The following VRK3 variants were observed in gnomAD, a reference collection of about 807,000 sequenced individuals.
VRK3 encodes the protein VRK serine/threonine kinase 3, also known as serine/threonine-protein kinase VRK3.
VRK3 carries 50 observed loss-of-function variants against 60.4 expected under a neutral mutation model. The observed-to-expected ratio is 0.83, with a 90% CI of 0.66 to 1.05. The LOEUF (loss-of-function observed/expected upper bound fraction) is 1.05, where lower values mean the gene tolerates loss of function less well. Ranked by LOEUF, VRK3 falls within the 50% of genes least tolerant of loss-of-function variation. The pLI is 0.00. For synonymous variants in VRK3, 246 were observed against 227.8 expected, an observed-to-expected ratio of 1.08 and a Z score of -0.72; for missense variants, 549 against 585.3, an observed-to-expected ratio of 0.94 and a Z score of 0.64.
intron 3 of VRK3, among the ~76,000 whole-genome samples, chr19:50,011,453 T>C (rs2076992512): frequency 6.6e-6 from 1 of 152,220 alleles, no homozygotes; most frequent in Non-Finnish European, 1.5e-5. Flanking sequence ...GCTACTGGAA[T>C]GGCCTCCTAA....
At chr19:49,998,948 G>GGA (rs2076751486) in intron 6 of VRK3, 1 of 35,600 alleles carries the variant, frequency 2.8e-5, no homozygotes, top group Non-Finnish European at 5.7e-5. Context: ...ATCTCTACCA[G>GGA]AAAAAAAAAA....
At position 50,007,666 on chromosome 19, in the gene VRK3, T is replaced by TTG. The variant is rs2076920185; in HGVS notation, c.449_450insCA (p.Glu150AspfsTer10). On this transcript the variant is annotated frameshift_variant, in exon 5 of 15. Coordinates refer to ENST00000316763, the MANE Select transcript of VRK3 (RefSeq NM_016440.4). LOFTEE classifies it high-confidence loss of function. ...TCAGCACTGTCCCTGTGGGCAAAGCTTCAAGTGAGGTGGTCACTCGGCTCC... is the reference window on the plus strand; with the variant it reads ...TCAGCACTGTCCCTGTGGGCAAAGCTTGTCAAGTGAGGTGGTCACTCGGCTCC... The TTG allele has an allele frequency of 9.3e-6, 15 of 1,614,180 alleles. No homozygotes were observed. Among genetic ancestry groups the TTG allele is most frequent in the Non-Finnish European group, 1.2e-5 (14 of 1,180,034 alleles).
chr19:50,005,136 C>G (rs1318289371), intron 5 of VRK3, among the ~76,000 whole-genome samples: 1 of 149,064 alleles, frequency 6.7e-6, no homozygotes, highest in Admixed American at 6.6e-5. Flanking sequence ...TTTGAGCCAA[C>G]AGCCCCAGGA....
Position 49,979,219 on chromosome 19 carries a change from C to G in VRK3, c.1300G>C (p.Val434Leu). Residue 434 changes from valine to leucine, a missense_variant, in exon 14 of 15, where the codon GTG (valine) becomes CTG (leucine). Transcript: ENST00000316763. ...TCCTCATACGTGAGGGCCATCACCA[C>G]CTTCAGGTACTTCTGCAGGGTCTCT... The part of the protein sequence containing the change: ...PSETLQKYLK[V>L]VMALTYEEKP... 6.2e-7 allele frequency: 1 copy of G among 1,614,136 alleles called. No homozygotes were observed.
chr19:49,995,255 A>G lies in VRK3; in HGVS notation c.700T>C (p.Tyr234His). ...PLQVNKWKKL[Y>H]STPLLAIPTC... is the part of the protein sequence containing the mutation. ...GGGATGGCCAGCAGTGGGGTCGAGT[A>G]CAGCTTCTTCCACTTGTTGACTGCG... Residue 234 changes from tyrosine (Y) to histidine (H), a missense_variant, in exon 8 of 15, where the codon TAC (tyrosine) becomes CAC (histidine). Tyr to His is a moderately conservative substitution (Grantham distance 83, BLOSUM62 2). Transcript: ENST00000316763. 1 of 1,614,232 alleles carries G rather than the reference A, an allele frequency of 6.2e-7. No individual in the cohort carries two copies. The highest frequency in any genetic ancestry group is 1.7e-5 in the Admixed American group (1 of 60,030).
chr19:50,015,886 G>A (rs915954333), intron 3 of VRK3, 138 bp downstream of exon 3: 1 of 1,106,916 alleles, frequency 9.0e-7, no homozygotes, highest in Non-Finnish European at 1.3e-6. Context: ...TAGACAGAGG[G>A]GTCCAGTCCT....
intron 3 of VRK3, among the ~76,000 whole-genome samples, chr19:50,011,044 T>C (rs2076986935): frequency 6.6e-6 from 1 of 152,240 alleles, no homozygotes; most frequent in Non-Finnish European, 1.5e-5. Flanking sequence ...ACAATTGCTT[T>C]TGTTGTAGTT....
intron 12 of VRK3, chr19:49,981,610 G>T: frequency 1.5e-6 from 1 of 681,552 alleles, no homozygotes; most frequent in African/African-American, 1.9e-5. Flanking sequence ...TACATCTTAT[G>T]TAATAAGTAT....
At chr19:50,010,912 C>CAAAACA (rs898253048) in intron 3 of VRK3, among the ~76,000 whole-genome samples, 5 of 151,160 alleles carry the variant, frequency 3.3e-5, no homozygotes, top group South Asian at 2.1e-4. Context: ...GACTGTGTCT[C>CAAAACA]AAAACAAAAA....
chr19:49,987,433 CCTCT>C (rs1204028837), intron 12 of VRK3, among the ~76,000 whole-genome samples: 2 of 137,642 alleles, frequency 1.5e-5, no homozygotes, highest in Non-Finnish European at 2.9e-5. Flanking sequence ...CCTAGTGCTC[CCTCT>C]GTGTCCAGCT....
At chr19:50,022,612 C>T (rs1210628118) in intron 1 of VRK3, among the ~76,000 whole-genome samples, 4 of 151,644 alleles carry the variant, frequency 2.6e-5, no homozygotes, top group African/African-American at 7.3e-5. Context: ...ATGGTGAAAC[C>T]CCGTCTCTAC....
chr19:50,006,578 C>T (rs576027909), intron 5 of VRK3, among the ~76,000 whole-genome samples: 4 of 152,004 alleles, frequency 2.6e-5, no homozygotes, highest in Admixed American at 6.5e-5. Flanking sequence ...GGTTTCACCG[C>T]GTTAGCCAGG....
intron 4 of VRK3, among the ~76,000 whole-genome samples, chr19:50,008,250 C>A (rs2076933770): frequency 6.6e-6 from 1 of 152,082 alleles, no homozygotes; most frequent in Non-Finnish European, 1.5e-5. Flanking sequence ...CCAAAAACAT[C>A]CTGAAAAAGG....
At chr19:50,013,845 G>A (rs967164286) in intron 3 of VRK3, among the ~76,000 whole-genome samples, 1 of 152,186 alleles carries the variant, frequency 6.6e-6, no homozygotes, top group East Asian at 1.9e-4. Flanking sequence ...ATTTAATAGG[G>A]TTGAGACAAG....
At chr19:50,004,627 G>A (rs1382390699) in intron 5 of VRK3, among the ~76,000 whole-genome samples, 1 of 152,190 alleles carries the variant, frequency 6.6e-6, no homozygotes, top group Non-Finnish European at 1.5e-5. Context: ...AGTTCCCAAA[G>A]TGTCTGGCAT....
At chr19:49,988,096 T>A (rs1023677620) in intron 12 of VRK3, 2 of 291,128 alleles carry the variant, frequency 6.9e-6, no homozygotes, top group African/African-American at 4.3e-5. Context: ...TAGTAGCTAG[T>A]AGGAGACCAT....
At chr19:49,993,526 G>A (rs9304692) in intron 9 of VRK3, among the ~76,000 whole-genome samples, 7,971 of 152,130 alleles carry the variant, frequency 0.052, 688 homozygotes, top group African/African-American at 0.18. Context: ...AGCCTCACAA[G>A]TAGCTGGGAC....
chr19:50,000,552 G>C (rs1343452452), intron 6 of VRK3: 2 of 566,932 alleles, frequency 3.5e-6, no homozygotes, highest in Non-Finnish European at 6.3e-6. Context: ...GGCTTGCCCA[G>C]GTCACACAGC....
chr19:50,000,940 G>A (rs2076794412), intron 5 of VRK3, 86 bp from the exon 6 acceptor site: 7 of 1,313,560 alleles, frequency 5.3e-6, no homozygotes, highest in Admixed American at 4.2e-5. Context: ...AATGAGAAGC[G>A]GCTCTGGTGC....
Sources: allele counts gnomAD v4.1 joint callset (sites outside exome capture counted in the v4.1 genomes callset), GRCh38; gene constraint gnomAD v4.1.1; transcripts MANE v1.5; gene names NCBI Gene and HGNC (gene_info 2026-07-23, HGNC 2026-07-21).